Variants in SHOX observed in about 807,000 individuals in gnomAD.
SHOX encodes the protein short stature homeobox protein.
A neutral mutation model predicts 29.6 loss-of-function variants in SHOX; 12 were observed. The observed-to-expected ratio is 0.41, with a 90% confidence interval of 0.26 to 0.66. The LOEUF is 0.66. Ranked by LOEUF, SHOX falls within the 30% of genes least tolerant of loss-of-function variation. SHOX has a pLI of 0.35. For synonymous variants in SHOX, 214 were observed against 200.6 expected, an observed-to-expected ratio of 1.07 and a Z score of -0.57; for missense variants, 499 against 437.7, an observed-to-expected ratio of 1.14 and a Z score of -1.25.
Position 649,956 on chromosome X carries a change from A to G in SHOX, c.*5320A>G. 2.2e-6 allele frequency: 1 copy of G among 456,094 alleles called. No homozygotes were observed. The highest frequency in any genetic ancestry group is 4.4e-6 in the Non-Finnish European group (1 of 226,798). The allele number at this position is 456,094 out of a possible 1,614,324, so 28.3% of individuals were successfully genotyped here. ...TGACTGCGAAGCACCCACAGGGAGA[A>G]GGAATTGGATGTATCGGATGTTGCT... On this transcript the variant is annotated 3_prime_UTR_variant, in exon 5 of 5. Coordinates refer to ENST00000686671, the MANE Select transcript of SHOX (RefSeq NM_000451.4).
At chrX:654,787 C>T (rs1019713986), downstream of SHOX, among the ~76,000 whole-genome samples, 4 of 152,022 alleles carry the variant, frequency 2.6e-5, no homozygotes, top group Non-Finnish European at 4.4e-5. Flanking sequence ...CGGGTTCAAG[C>T]GATTTTCCTG....
upstream of SHOX, chrX:630,787 A>T: frequency 2.3e-6 from 3 of 1,303,938 alleles, no homozygotes; most frequent in Non-Finnish European, 3.3e-6. Flanking sequence ...TCCAATGGAA[A>T]GGCGTAAATA....
rs868868036 is a variant in SHOX at position 625,709 on chromosome X, A to G, written c.-433+1107A>G. 6.3e-4 allele frequency among the ~76,000 whole-genome samples: 29 copies of G among 46,298 alleles called. 1 individual carries two copies. The South Asian group carries it at 0.026, about 41-fold the overall frequency. The allele number at this position is 46,298 out of a possible 152,430, so 30.4% of individuals were successfully genotyped here. On this transcript the variant is annotated intron_variant, in intron 1 of 5. Coordinates refer to the SHOX transcript ENST00000334060. ...TCTCTCTTCCTCTGTCTCTCTTTCT[A>G]TCTCTGTCTCTCTCTCTCCTCTCTC...
downstream of SHOX, among the ~76,000 whole-genome samples, chrX:655,416 G>A (rs977017128): frequency 1.5e-4 from 23 of 151,784 alleles, no homozygotes; most frequent in Admixed American, 6.6e-4. Context: ...ACCAGCCTCA[G>A]CAACAAAGTG....
At chrX:653,306 C>T (rs2053094350), downstream of SHOX, among the ~76,000 whole-genome samples, 1 of 152,110 alleles carries the variant, frequency 6.6e-6, no homozygotes, top group African/African-American at 2.4e-5. Flanking sequence ...CTTTGTTCTG[C>T]AAATCCACTC....
chrX:628,139 A>ATC (rs2052572474), upstream of SHOX, among the ~76,000 whole-genome samples: 23 of 46,310 alleles, frequency 5.0e-4, no homozygotes, highest in African/African-American at 1.2e-3. Context: ...CTGTATCTCT[A>ATC]TCTGTGTCTC....
rs759067813 is a variant in SHOX at position 644,377 on chromosome X, G to C, written c.634-14G>C. Reference sequence around the variant, plus strand: ...CCATCCTGCGCCCTCACCCCGCCGGGTCCGCTCCCGCAGGTCCAGGCTCAG... The same window carrying C: ...CCATCCTGCGCCCTCACCCCGCCGGCTCCGCTCCCGCAGGTCCAGGCTCAG... On this transcript the variant is annotated splice_polypyrimidine_tract_variant and intron_variant, in intron 4 of 4. Coordinates refer to ENST00000686671, the MANE Select transcript of SHOX (RefSeq NM_000451.4). 3.3e-6 allele frequency: 5 copies of C among 1,517,928 alleles called. 1 individual carries two copies. The South Asian group carries it at 4.9e-5, about 15-fold the overall frequency. The allele number at this position is 1,517,928 out of a possible 1,614,324, so 94.0% of individuals were successfully genotyped here.
chrX:640,857 C>G lies in SHOX; in HGVS notation c.523C>G (p.Gln175Glu), dbSNP rs2052840778. 2 of 1,613,768 alleles carry G rather than the reference C, an allele frequency of 1.2e-6. No individual in the cohort carries two copies. Among genetic ancestry groups the G allele is most frequent in the African/African-American group, 1.3e-5 (1 of 74,892 alleles). ...GAACCGGAGAGCCAAGTGCCGCAAA[C>G]AAGAGAATCAGATGCATAAAGGTGG... ...FQNRRAKCRK[Q>E]ENQMHKGVIL... The change falls in exon 3 of 5, where the codon CAA becomes GAA. Residue 175 changes from glutamine to glutamate, a missense_variant. Coordinates refer to ENST00000686671, the MANE Select transcript of SHOX (RefSeq NM_000451.4).
Position 641,032 on chromosome X carries a change from C to T in SHOX, c.578C>T (p.Ala193Val). The T allele has an allele frequency of 1.2e-6, 2 of 1,613,890 alleles. No homozygotes were observed. Among genetic ancestry groups the T allele is most frequent in the Non-Finnish European group, 1.7e-6 (2 of 1,179,852 alleles). ...VILGTANHLD[A>V]CRVAPYVNMG... Reference sequence around the variant, plus strand: ...TTGGGCACAGCCAACCACCTAGACGCCTGCCGAGTGGCACCCTACGTCAAC... The same window carrying T: ...TTGGGCACAGCCAACCACCTAGACGTCTGCCGAGTGGCACCCTACGTCAAC... Residue 193 changes from alanine (A) to valine (V), a missense_variant, in exon 4 of 5, where the codon GCC becomes GTC. Ala to Val is a moderately conservative substitution (Grantham distance 64). Coordinates refer to ENST00000686671, the MANE Select transcript of SHOX (RefSeq NM_000451.4).
intron 1 of SHOX, 140 bp downstream of exon 1, chrX:631,314 T>A: frequency 8.8e-7 from 1 of 1,140,756 alleles, no homozygotes; most frequent in Non-Finnish European, 1.3e-6. Flanking sequence ...GCCGTCAGGC[T>A]TTGCCTAAGA....
rs2124197543 is a variant in SHOX, at chrX:645,684, C to G, written c.*1048C>G. 6.6e-6 allele frequency: 1 copy of G among 151,864 alleles called. No individual in the cohort carries two copies. The highest frequency in any genetic ancestry group is 2.1e-4 in the South Asian group (1 of 4,780). The allele number at this position is 151,864 out of a possible 1,614,324, so 9.4% of individuals were successfully genotyped here. A position where few individuals can be genotyped will look rare whatever the true frequency, so the allele number is the denominator to read the frequency against. ...AAAAATCACGGGTGTAGAGATGGCC[C>G]TGGGCGCGCTGGGAGTGTGGTTGTG... On this transcript the variant is annotated 3_prime_UTR_variant, in exon 5 of 5. Transcript: ENST00000686671.
intron 1 of SHOX, 131 bp from the exon 2 acceptor site, chrX:634,487 C>T (rs769372563): frequency 1.9e-5 from 18 of 931,028 alleles, no homozygotes; most frequent in Admixed American, 1.6e-4. Flanking sequence ...CTTATGGACC[C>T]CACGCAGTTT....
At position 650,790 on chromosome X, in the gene SHOX, A is replaced by AT. The variant is rs1288137646; in HGVS notation, c.*6156dup. 1.7e-5 allele frequency among the ~76,000 whole-genome samples: 2 copies of AT among 117,236 alleles called. No homozygotes were observed. The highest frequency in any genetic ancestry group is 3.4e-5 in the Non-Finnish European group (2 of 58,544). The allele number at this position is 117,236 out of a possible 152,430, so 76.9% of individuals were successfully genotyped here. ...GAGGCTTTCGGTGGACACGTTTGAC[A>AT]TTAAAAAAAAAAAAAAAAAAAAAAA... On this transcript the variant is annotated 3_prime_UTR_variant, in exon 5 of 5. Transcript: ENST00000686671.
intron 4 of SHOX, among the ~76,000 whole-genome samples, chrX:643,897 C>G (rs1446014121): frequency 2.1e-5 from 3 of 141,756 alleles, no homozygotes; most frequent in African/African-American, 5.5e-5. Flanking sequence ...CCCGGGAGAG[C>G]CTTGGGGACC....
rs1250763370 is a variant in SHOX at position 644,950 on chromosome X, T to A, written c.*314T>A. The A allele has an allele frequency of 2.3e-5, 9 of 399,522 alleles. No homozygotes were observed. The East Asian group carries it at 4.0e-4, about 18-fold the overall frequency. 24.7% of individuals were successfully genotyped at this position (399,522 alleles called of 1,614,324 possible). A position where few individuals can be genotyped will look rare whatever the true frequency, so the allele number is the denominator to read the frequency against. On this transcript the variant is annotated 3_prime_UTR_variant, in exon 5 of 5. Coordinates refer to ENST00000686671, the MANE Select transcript of SHOX (RefSeq NM_000451.4). The stretch of plus-strand genomic sequence containing the variant: ...AAACCCCCGCCTGGCTGCGTCTTCC[T>A]CTGCTATACCCTATGCATGCGGTTA...
At position 644,697 on chromosome X, in the gene SHOX, C is replaced by G; in HGVS notation, c.*61C>G. ...GGCTCCGCGCACCCCGCCTGCACCGCGCGTCCTGCACTCAACCCCGCCTGG... is the reference window on the plus strand; with the variant it reads ...GGCTCCGCGCACCCCGCCTGCACCGGGCGTCCTGCACTCAACCCCGCCTGG... On this transcript the variant is annotated 3_prime_UTR_variant, in exon 5 of 5. Coordinates refer to ENST00000686671, the MANE Select transcript of SHOX (RefSeq NM_000451.4). The G allele has an allele frequency of 7.3e-7, 1 of 1,371,402 alleles. No homozygotes were observed. Among genetic ancestry groups the G allele is most frequent in the East Asian group, 3.0e-5 (1 of 32,886 alleles). 85.0% of individuals were successfully genotyped at this position (1,371,402 alleles called of 1,614,324 possible). A position where few individuals can be genotyped will look rare whatever the true frequency, so the allele number is the denominator to read the frequency against.
Position 651,275 on chromosome X carries a change from T to A in SHOX, c.*6639T>A, listed in dbSNP as rs999990771. ...CCCCCGCGTCCGGGTTACAAATACA[T>A]CTACAGATATTTTCAGGGATTGCTT... On this transcript the variant is annotated 3_prime_UTR_variant, in exon 5 of 5. Transcript: ENST00000686671. 2.0e-5 allele frequency: 9 copies of A among 455,682 alleles called. No individual in the cohort carries two copies. The highest frequency in any genetic ancestry group is 3.5e-5 in the Non-Finnish European group (8 of 226,762). 28.2% of individuals were successfully genotyped at this position (455,682 alleles called of 1,614,324 possible). A position where few individuals can be genotyped will look rare whatever the true frequency, so the allele number is the denominator to read the frequency against.
chrX:634,341 G>GA lies in SHOX; in HGVS notation c.278-270dup, dbSNP rs1201233793. Among the ~76,000 whole-genome samples the GA allele has an allele frequency of 5.3e-5, 8 of 151,724 alleles. No homozygotes were observed. The South Asian group carries it at 1.0e-3, about 20-fold the overall frequency. On this transcript the variant is annotated intron_variant, in intron 1 of 4. Transcript: ENST00000686671. ...CCACTCTCCTTAAAAAAAAAAATAAGAAAAAAAGGTTAGGTTATGTCAACA... is the reference window on the plus strand; with the variant it reads ...CCACTCTCCTTAAAAAAAAAAATAAGAAAAAAAAGGTTAGGTTATGTCAACA...
downstream of SHOX, among the ~76,000 whole-genome samples, chrX:655,614 CTATATATATATATATATATATATATA>C (rs1173014302): frequency 1.7e-4 from 6 of 35,090 alleles, no homozygotes; most frequent in South Asian, 1.2e-3. Flanking sequence ...CTCTCTCTCT[CTATATATATATATATATATATATATA>C]TATATATATA....
Sources: allele counts gnomAD v4.1 joint callset (sites outside exome capture counted in the v4.1 genomes callset), GRCh38; gene constraint gnomAD v4.1.1; transcripts MANE v1.5; gene names NCBI Gene and HGNC (gene_info 2026-07-23, HGNC 2026-07-21).